The following SAFB2 variants were observed in gnomAD, a reference collection of about 807,000 sequenced individuals.
SAFB2 encodes the protein scaffold attachment factor B2.
In SAFB2, 32 loss-of-function variants were observed where a neutral mutation model predicts 100.6. That is an observed-to-expected ratio of 0.32 (90% CI 0.24 to 0.43). The LOEUF (loss-of-function observed/expected upper bound fraction) is 0.43, where lower values mean the gene tolerates loss of function less well. Ranked by LOEUF, SAFB2 falls within the 20% of genes least tolerant of loss-of-function variation. The pLI is 1.00. For synonymous variants in SAFB2, 500 were observed against 439.4 expected, an observed-to-expected ratio of 1.14 and a Z score of -1.72; for missense variants, 1,185 against 1,163.4, an observed-to-expected ratio of 1.02 and a Z score of -0.27.
intron 9 of SAFB2, among the ~76,000 whole-genome samples, chr19:5,607,076 A>G (rs904926295): frequency 2.0e-5 from 3 of 152,202 alleles, no homozygotes. Flanking sequence ...CCTGACTAAC[A>G]CAGTGAAACC....
At chr19:5,604,532 C>T (rs977288085) in intron 11 of SAFB2, 51 bp downstream of exon 11, 1 of 1,422,374 alleles carries the variant, frequency 7.0e-7, no homozygotes, top group Non-Finnish European at 9.9e-7. Flanking sequence ...TGGTGGCTGC[C>T]CGTGCCCTCC....
At position 5,587,186 on chromosome 19, in the gene SAFB2, C is replaced by G. The variant is rs2052269187; in HGVS notation, c.*57G>C. The G allele has an allele frequency of 6.3e-7, 1 of 1,587,938 alleles. No homozygotes were observed. Among genetic ancestry groups the G allele is most frequent in the Non-Finnish European group, 8.6e-7 (1 of 1,160,382 alleles). ...AAGATCCCCCAAGTTCGAGGGAACC[C>G]TGGCTACCAGATTCAACAGTGCGTC... On this transcript the variant is annotated 3_prime_UTR_variant, in exon 21 of 21. Coordinates refer to ENST00000252542, the MANE Select transcript of SAFB2 (RefSeq NM_014649.3). The surrounding 1 kb of genome is among the most constrained non-coding windows in gnomAD (Gnocchi z 4.9).
At chr19:5,613,065 C>T (rs2052943760) in intron 5 of SAFB2, among the ~76,000 whole-genome samples, 1 of 152,238 alleles carries the variant, frequency 6.6e-6, no homozygotes, top group South Asian at 2.1e-4. Flanking sequence ...GAGGCGGGCC[C>T]AGCTGCTCTG....
intron 17 of SAFB2, among the ~76,000 whole-genome samples, chr19:5,590,958 G>A (rs908377458): frequency 2.0e-5 from 3 of 152,166 alleles, no homozygotes; most frequent in Admixed American, 6.5e-5. Flanking sequence ...CACCACGCAC[G>A]GGGCACCCGC....
In SAFB2 at chr19:5,616,154, G is replaced by A. The variant is rs779603451; in HGVS notation, c.521C>T (p.Pro174Leu). 2.5e-5 allele frequency: 41 copies of A among 1,614,052 alleles called. No individual in the cohort carries two copies. Among genetic ancestry groups the A allele is most frequent in the Non-Finnish European group, 3.2e-5 (38 of 1,180,042 alleles). ...EYVAAQLRQL[P>L]AQPPEHAVDG... Reference sequence around the variant, plus strand: ...TACAGCATGCTCTGGGGGCTGAGCCGGGAGCTGTCTCAGCTGTGCAGCCAC... The same window carrying A: ...TACAGCATGCTCTGGGGGCTGAGCCAGGAGCTGTCTCAGCTGTGCAGCCAC... Residue 174 changes from proline (P) to leucine (L), a missense_variant, in exon 4 of 21, where the codon CCG becomes CTG. By Grantham distance (98) the Pro-to-Leu change is moderately conservative. This residue lies in a region of SAFB2 where 351 missense variants were observed against 341.2 expected (regional missense o/e 1.03). Coordinates refer to ENST00000252542, the MANE Select transcript of SAFB2 (RefSeq NM_014649.3).
chr19:5,610,262 T>G, intron 8 of SAFB2, 167 bp from the exon 9 acceptor site: 1 of 618,546 alleles, frequency 1.6e-6, no homozygotes, highest in South Asian at 1.9e-5. Flanking sequence ...GCTGAAAATC[T>G]GGACAGCAAA....
Position 5,619,376 on chromosome 19 carries a change from A to C in SAFB2, c.274+1933T>G, listed in dbSNP as rs539199801. On this transcript the variant is annotated intron_variant, in intron 2 of 20. Coordinates refer to ENST00000252542, the MANE Select transcript of SAFB2 (RefSeq NM_014649.3). ...TAACCCTCACTAGAGCTGAGGCTAC[A>C]AAAGTCCTTTTTATAGCAACAGAAG... Among the ~76,000 whole-genome samples, 353 of 152,316 alleles carry C rather than the reference A, an allele frequency of 2.3e-3. 1 individual carries two copies. Among genetic ancestry groups the C allele is most frequent in the Non-Finnish European group, 4.3e-3 (295 of 68,020 alleles).
chr19:5,590,205 T>TG, intron 18 of SAFB2, 73 bp downstream of exon 18: 3 of 1,337,252 alleles, frequency 2.2e-6, no homozygotes, highest in Non-Finnish European at 2.0e-6. Flanking sequence ...CTTGGGGACG[T>TG]GCCTGGCCAG....
chr19:5,598,066 C>G (rs896087332), intron 13 of SAFB2, among the ~76,000 whole-genome samples: 1 of 146,452 alleles, frequency 6.8e-6, no homozygotes, highest in Non-Finnish European at 1.5e-5. Flanking sequence ...ACCCAGGAGG[C>G]AGTGGTTGCA....
intron 17 of SAFB2, among the ~76,000 whole-genome samples, chr19:5,590,807 C>T (rs1350818554): frequency 1.3e-5 from 2 of 152,242 alleles, no homozygotes; most frequent in Non-Finnish European, 2.9e-5. Context: ...ACAATTCCGG[C>T]CTCCCTGGCC....
At chr19:5,616,741 T>A (rs1285005612) in intron 2 of SAFB2, among the ~76,000 whole-genome samples, 1 of 130,476 alleles carries the variant, frequency 7.7e-6, no homozygotes, top group Non-Finnish European at 1.6e-5. Flanking sequence ...AATCTCCACC[T>A]CCTGGGTTCA....
chr19:5,598,053 T>A (rs2052568774), intron 13 of SAFB2, among the ~76,000 whole-genome samples: 1 of 150,514 alleles, frequency 6.6e-6, no homozygotes, highest in South Asian at 2.1e-4. Context: ...AGGAGTCGCT[T>A]GAACCCAGGA....
intron 15 of SAFB2, among the ~76,000 whole-genome samples, chr19:5,593,368 C>G (rs1246660184): frequency 1.3e-5 from 2 of 152,170 alleles, no homozygotes; most frequent in African/African-American, 4.8e-5. Context: ...TGATTTTTAC[C>G]AGAAAACTAG....
rs564122932 is a variant in SAFB2, at chr19:5,600,028, G to A, written c.1690+102C>T. The A allele has an allele frequency of 7.3e-6, 9 of 1,226,910 alleles. No homozygotes were observed. In the Admixed American group the frequency reaches 1.8e-4, roughly 25 times the overall value. 76.0% of individuals were successfully genotyped at this position (1,226,910 alleles called of 1,614,324 possible). On this transcript the variant is annotated intron_variant, in intron 12 of 20. Coordinates refer to ENST00000252542, the MANE Select transcript of SAFB2 (RefSeq NM_014649.3). ...ACACTGCCATATGAACAGCGAAACA[G>A]CCATGTCACCAGAGCTTGCTGTCCT... is the stretch of plus-strand genomic sequence containing the variant.
At chr19:5,603,690 G>A (rs2052711840) in intron 11 of SAFB2, among the ~76,000 whole-genome samples, 2 of 152,128 alleles carry the variant, frequency 1.3e-5, no homozygotes, top group African/African-American at 4.8e-5. Context: ...CTCACAGGGT[G>A]CCACCGTGAG....
At chr19:5,589,131 G>A (rs1359673193) in intron 18 of SAFB2, 1 of 152,258 alleles carries the variant, frequency 6.6e-6, no homozygotes, top group Admixed American at 6.5e-5. Context: ...GCCCTGGAGG[G>A]AGCGGAAAGC....
At chr19:5,601,814 C>T (rs2052665310) in intron 11 of SAFB2, among the ~76,000 whole-genome samples, 1 of 152,170 alleles carries the variant, frequency 6.6e-6, no homozygotes, top group Non-Finnish European at 1.5e-5. Context: ...TCACCTGCTG[C>T]ACAAAATTCT....
rs74351551 is a variant in SAFB2, at chr19:5,598,486, C to T, written c.1782+307G>A. The T allele has an allele frequency of 3.9e-3, 1,461 of 373,288 alleles. 5 individuals carry two copies. The highest frequency in any genetic ancestry group is 6.1e-3 in the Non-Finnish European group (1,212 of 199,514). 23.1% of individuals were successfully genotyped at this position (373,288 alleles called of 1,614,324 possible). A position where few individuals can be genotyped will look rare whatever the true frequency, so the allele number is the denominator to read the frequency against. ...CAACCAAAGAGTAGGACCTGCCTTC[C>T]GGCTCGAAAAGCCTGGGTCTGGCCC... On this transcript the variant is annotated intron_variant, in intron 13 of 20. Coordinates refer to ENST00000252542, the MANE Select transcript of SAFB2 (RefSeq NM_014649.3).
chr19:5,621,893 A>C (rs548957308), intron 1 of SAFB2, among the ~76,000 whole-genome samples: 2 of 152,340 alleles, frequency 1.3e-5, no homozygotes, highest in South Asian at 4.1e-4. Flanking sequence ...CCAGTTGCGG[A>C]AACAGACAAT....
Sources: allele counts gnomAD v4.1 joint callset (sites outside exome capture counted in the v4.1 genomes callset), GRCh38; gene constraint gnomAD v4.1.1; regional missense constraint gnomAD v4.1.1; non-coding constraint Gnocchi (gnomAD v3.1); transcripts MANE v1.5; gene names NCBI Gene and HGNC (gene_info 2026-07-23, HGNC 2026-07-21).